The following TBCD variants were observed in gnomAD, a reference collection of about 807,000 sequenced individuals.
TBCD encodes tubulin folding cofactor D, also known as tubulin-specific chaperone D.
In TBCD, 105 loss-of-function variants were observed where a neutral mutation model predicts 169.3. The observed-to-expected ratio is 0.62, with a 90% CI of 0.53 to 0.73. The LOEUF is 0.73. Ranked by LOEUF, TBCD falls within the 30% of genes least tolerant of loss-of-function variation. The pLI is 0.00. For synonymous variants in TBCD, 700 were observed against 643.9 expected, an observed-to-expected ratio of 1.09 and a Z score of -1.32; for missense variants, 1,444 against 1,600.1, an observed-to-expected ratio of 0.90 and a Z score of 1.66.
At chr17:82,938,166 T>C in intron 36 of TBCD, 30 bp downstream of exon 36, 4 of 1,599,842 alleles carry the variant, frequency 2.5e-6, no homozygotes, top group Non-Finnish European at 3.4e-6. Flanking sequence ...CACGTGTGTT[T>C]GCCGTGTGGA....
intron 28 of TBCD, 144 bp downstream of exon 28, chr17:82,926,635 A>G (rs1258496022): frequency 2.9e-6 from 2 of 681,220 alleles, no homozygotes; most frequent in Non-Finnish European, 5.0e-6. Flanking sequence ...CGTCAGTCCC[A>G]GCTGCTGGAG....
rs1599587202 is a variant in TBCD, at chr17:82,923,291, A to T, written c.2179-361A>T. 6.6e-6 allele frequency among the ~76,000 whole-genome samples: 1 copy of T among 152,370 alleles called. No homozygotes were observed. Among genetic ancestry groups the T allele is most frequent in the East Asian group, 1.9e-4 (1 of 5,188 alleles). On this transcript the variant is annotated intron_variant, in intron 25 of 38. Coordinates refer to ENST00000355528, the MANE Select transcript of TBCD (RefSeq NM_005993.5). The surrounding 1 kb of genome is among the most constrained non-coding windows in gnomAD (Gnocchi z 4.6). ...TCTTAGTTGTAGTGGTAGTAAAGTG[A>T]TGCGTGTATCTGACAGATGATGGTG...
chr17:82,809,325 G>A (rs1213078358), intron 11 of TBCD, among the ~76,000 whole-genome samples: 2 of 152,126 alleles, frequency 1.3e-5, no homozygotes, highest in Non-Finnish European at 2.9e-5. Context: ...ATGGGTGCCT[G>A]CACAGTCAGC....
Position 82,833,498 on chromosome 17 carries a change from T to C in TBCD, c.1318+18564T>C, listed in dbSNP as rs1424287244. ...GTCTCAGATATGAATACAAATGCTA[T>C]ATTTATGTTGACTTAAATGGTTGAA... is the stretch of plus-strand genomic sequence containing the variant. On this transcript the variant is annotated intron_variant, in intron 13 of 38. Transcript: ENST00000355528. This position sits in a 1 kb window ranked among gnomAD's most constrained non-coding sequence, Gnocchi z 4.7. Among the ~76,000 whole-genome samples the C allele has an allele frequency of 6.6e-6, 1 of 152,246 alleles. No individual in the cohort carries two copies. Among genetic ancestry groups the C allele is most frequent in the East Asian group, 1.9e-4 (1 of 5,194 alleles).
intron 38 of TBCD, 137 bp from the exon 39 acceptor site, chr17:82,942,312 T>G: frequency 7.9e-7 from 1 of 1,263,922 alleles, no homozygotes; most frequent in Non-Finnish European, 1.1e-6. Context: ...CTGCCGGGTG[T>G]GTGGGAAACG....
intron 17 of TBCD, among the ~76,000 whole-genome samples, chr17:82,895,165 C>T (rs550197824): frequency 1.1e-4 from 16 of 152,362 alleles, no homozygotes; most frequent in African/African-American, 3.8e-4. Context: ...ATGTCTTCCC[C>T]CAGTGTGTTT....
chr17:82,927,902 C>T lies in TBCD; in HGVS notation c.2610-3C>T. ...GTGTCTCTGCCTCTCCTTGTCCCAT[C>T]AGGGTCCGCAAGGCCGCCATGACCA... On this transcript the variant is annotated splice_region_variant and splice_polypyrimidine_tract_variant and intron_variant, in intron 29 of 38. Transcript: ENST00000355528. 1 of 1,613,412 alleles carries T rather than the reference C, an allele frequency of 6.2e-7. No homozygotes were observed. The highest frequency in any genetic ancestry group is 8.5e-7 in the Non-Finnish European group (1 of 1,179,622).
chr17:82,801,879 C>T (rs1483034252), intron 9 of TBCD, among the ~76,000 whole-genome samples: 5 of 135,604 alleles, frequency 3.7e-5, no homozygotes, highest in Non-Finnish European at 6.2e-5. Context: ...TCGTGTGCGT[C>T]GTGTGGTTCG....
At chr17:82,876,972 G>T (rs1406651409) in intron 14 of TBCD, 2 of 985,286 alleles carry the variant, frequency 2.0e-6, no homozygotes, top group Non-Finnish European at 2.4e-6. Flanking sequence ...ACCTTAGAGG[G>T]TTAGACTTGG....
chr17:82,871,237 G>A (rs139213594), intron 14 of TBCD, among the ~76,000 whole-genome samples: 5 of 139,214 alleles, frequency 3.6e-5, no homozygotes, highest in Admixed American at 1.5e-4. Flanking sequence ...TGCAAAACAT[G>A]TGTCCCCAGC....
At position 82,832,209 on chromosome 17, in the gene TBCD, C is replaced by A. The variant is rs774634780; in HGVS notation, c.1318+17275C>A. ...CAGACTTGGAAGAGGCTGGCTTCGC[C>A]GTGGCATCGGGCTGGTTGGTTTGCT... On this transcript the variant is annotated intron_variant, in intron 13 of 38. Transcript: ENST00000355528. The surrounding 1 kb of genome is among the most constrained non-coding windows in gnomAD (Gnocchi z 4.9). 6.2e-7 allele frequency: 1 copy of A among 1,614,192 alleles called. No homozygotes were observed. The highest frequency in any genetic ancestry group is 8.5e-7 in the Non-Finnish European group (1 of 1,180,042).
rs921337834 is a variant in TBCD, at chr17:82,903,705, C to T, written c.1804+227C>T. Among the ~76,000 whole-genome samples, 27 of 152,216 alleles carry T rather than the reference C, an allele frequency of 1.8e-4. No individual in the cohort carries two copies. Among genetic ancestry groups the T allele is most frequent in the East Asian group, 1.5e-3 (8 of 5,200 alleles). ...AGCCGCTGAACTGTGTTACGTACAC[C>T]GGAGCCCGTGATGGTCCCGCCGGAT... On this transcript the variant is annotated intron_variant, in intron 19 of 38. Coordinates refer to ENST00000355528, the MANE Select transcript of TBCD (RefSeq NM_005993.5). This position sits in a 1 kb window ranked among gnomAD's most constrained non-coding sequence, Gnocchi z 4.8.
In TBCD at chr17:82,831,201, G is replaced by T. The variant is rs564314163; in HGVS notation, c.1318+16267G>T. The T allele has an allele frequency of 4.3e-6, 7 of 1,614,106 alleles. No individual in the cohort carries two copies. In the South Asian group the frequency reaches 6.6e-5, roughly 15 times the overall value. On this transcript the variant is annotated intron_variant, in intron 13 of 38. Transcript: ENST00000355528. The surrounding 1 kb of genome is among the most constrained non-coding windows in gnomAD (Gnocchi z 4.6). The stretch of plus-strand genomic sequence containing the variant: ...AGGTCTGGCTCGTCTGCATGAAGTC[G>T]GTGGGGCTCGGCCTCCCTGGGGAGC...
rs2048988163 is a variant in TBCD, at chr17:82,782,145, C to G, written c.771+424C>G. Among the ~76,000 whole-genome samples, 1 of 152,264 alleles carries G rather than the reference C, an allele frequency of 6.6e-6. No homozygotes were observed. Among genetic ancestry groups the G allele is most frequent in the Non-Finnish European group, 1.5e-5 (1 of 68,052 alleles). ...TGTTCCTGACTGCTTCGTTGGGACA[C>G]AGACCCTGGCCTCTGCCTGCAGGTG... On this transcript the variant is annotated intron_variant, in intron 7 of 38. Coordinates refer to ENST00000355528, the MANE Select transcript of TBCD (RefSeq NM_005993.5). The surrounding 1 kb of genome is among the most constrained non-coding windows in gnomAD (Gnocchi z 5.1).
At chr17:82,842,358 T>C (rs1422404221) in intron 13 of TBCD, among the ~76,000 whole-genome samples, 1 of 152,220 alleles carries the variant, frequency 6.6e-6, no homozygotes, top group Non-Finnish European at 1.5e-5. Flanking sequence ...CCAGCCTTAC[T>C]GATCTGTTGG....
chr17:82,774,773 C>T (rs184368492), intron 6 of TBCD, among the ~76,000 whole-genome samples: 7 of 152,288 alleles, frequency 4.6e-5, no homozygotes, highest in African/African-American at 1.7e-4. Context: ...TGCAAACAGT[C>T]CACGTAAAAT....
At chr17:82,848,188 C>T (rs981667124) in intron 13 of TBCD, among the ~76,000 whole-genome samples, 3 of 152,182 alleles carry the variant, frequency 2.0e-5, no homozygotes, top group Non-Finnish European at 4.4e-5. Context: ...CTTCCAACAC[C>T]TTCGCCCTGA....
At position 82,939,414 on chromosome 17, in the gene TBCD, C is replaced by T. The variant is rs1211369481; in HGVS notation, c.3417C>T (p.Tyr1139=). 6.2e-7 allele frequency: 1 copy of T among 1,613,584 alleles called. No individual in the cohort carries two copies. Among genetic ancestry groups the T allele is most frequent in the Non-Finnish European group, 8.5e-7 (1 of 1,179,836 alleles). ...AGGTGTACGAGACATTGCTCACCTACAGTGACGTCGTGGGCGCGGATGTGC... is the reference window on the plus strand; with the variant it reads ...AGGTGTACGAGACATTGCTCACCTATAGTGACGTCGTGGGCGCGGATGTGC... ...ASQVYETLLT[Y]SDVVGADVLD... is the part of the protein sequence containing the mutation. The change falls in exon 37 of 39, where the codon TAC becomes TAT. Residue 1139 remains tyrosine, a synonymous_variant. Coordinates refer to ENST00000355528, the MANE Select transcript of TBCD (RefSeq NM_005993.5).
In TBCD at chr17:82,789,403, C is replaced by T. The variant is rs911989668; in HGVS notation, c.771+7682C>T. On this transcript the variant is annotated intron_variant, in intron 7 of 38. Coordinates refer to ENST00000355528, the MANE Select transcript of TBCD (RefSeq NM_005993.5). This position sits in a 1 kb window ranked among gnomAD's most constrained non-coding sequence, Gnocchi z 4.8. Reference sequence around the variant, plus strand: ...ACGTGTGCTCACAGGCAGCCCGTCGCGGGGTCATGTGCTAGACGGGGAGGG... The same window carrying T: ...ACGTGTGCTCACAGGCAGCCCGTCGTGGGGTCATGTGCTAGACGGGGAGGG... Among the ~76,000 whole-genome samples the T allele has an allele frequency of 4.6e-5, 7 of 152,238 alleles. No individual in the cohort carries two copies. Among genetic ancestry groups the T allele is most frequent in the African/African-American group, 9.6e-5 (4 of 41,458 alleles).
Sources: gnomAD v4.1 joint callset for allele counts (sites outside exome capture counted in the v4.1 genomes callset) on GRCh38, gnomAD v4.1.1 for gene constraint, Gnocchi (gnomAD v3.1) non-coding constraint, MANE v1.5 for transcripts, NCBI Gene and HGNC (gene_info 2026-07-23, HGNC 2026-07-21) for gene names.